ITPR2: variants seen among roughly 807,000 people sequenced by gnomAD.
The protein encoded by ITPR2 is inositol 1,4,5-trisphosphate-gated calcium channel ITPR2.
ITPR2 carries 207 observed loss-of-function variants against 317.1 expected under a neutral mutation model. That is an observed-to-expected ratio of 0.65 (90% CI 0.58 to 0.73). ITPR2 has a LOEUF of 0.73. ITPR2 is among the 30% of genes least tolerant of loss of function. The pLI is 0.00. For missense variants in ITPR2, 2,613 were observed against 3,284.0 expected (o/e 0.80, Z 4.99); for synonymous variants, 1,156 against 1,149.1 (o/e 1.01, Z -0.12).
intron 2 of ITPR2, among the ~76,000 whole-genome samples, chr12:26,761,088 G>A (rs1949623012): frequency 1.3e-5 from 2 of 152,030 alleles, no homozygotes; most frequent in East Asian, 3.9e-4. Flanking sequence ...ATGGTTACAG[G>A]TTTCAAGTCC....
chr12:26,775,959 T>TATATATATATATATATACACACATA (rs1263788006), intron 2 of ITPR2, among the ~76,000 whole-genome samples: 15 of 145,072 alleles, frequency 1.0e-4, no homozygotes, highest in Admixed American at 2.1e-4. Flanking sequence ...TATATGTATA[T>TATATATATATATATATACACACATA]CCTATTAGTT....
intron 2 of ITPR2, among the ~76,000 whole-genome samples, chr12:26,735,497 G>GGGGGAAGGGAGAAGAA (rs1491204240): frequency 4.6e-5 from 7 of 152,072 alleles, no homozygotes; most frequent in Admixed American, 2.0e-4. Flanking sequence ...GAGAGGGAGA[G>GGGGGAAGGGAGAAGAA]GGGGAAGGGA....
At chr12:26,530,741 TGTAGTATATCTACATAG>T (rs1476538345) in intron 37 of ITPR2, among the ~76,000 whole-genome samples, 1 of 152,204 alleles carries the variant, frequency 6.6e-6, no homozygotes, top group Admixed American at 6.5e-5. Context: ...TCTCAAACAC[TGTAGTATATCTACATAG>T]GACTGTACCA....
intron 37 of ITPR2, among the ~76,000 whole-genome samples, chr12:26,517,114 C>A (rs1481186465): frequency 6.6e-6 from 1 of 152,022 alleles, no homozygotes; most frequent in African/African-American, 2.4e-5. Flanking sequence ...ATAAACTCTC[C>A]TTAAACAACT....
intron 32 of ITPR2, among the ~76,000 whole-genome samples, chr12:26,591,541 T>TA (rs1482920310): frequency 6.6e-6 from 1 of 151,924 alleles, no homozygotes; most frequent in African/African-American, 2.4e-5. Flanking sequence ...CTCAAAAAAC[T>TA]AAAAATAGCC....
At chr12:26,411,256 A>T (rs1390527097) in intron 52 of ITPR2, 64 bp downstream of exon 52, 12 of 1,040,432 alleles carry the variant, frequency 1.2e-5, no homozygotes, top group Non-Finnish European at 1.8e-5. Flanking sequence ...AGAGGTAATA[A>T]TATTTACTAA....
intron 21 of ITPR2, among the ~76,000 whole-genome samples, chr12:26,639,032 G>A (rs1396071894): frequency 3.3e-5 from 5 of 152,160 alleles, no homozygotes; most frequent in East Asian, 1.9e-4. Flanking sequence ...AGAATGAGGC[G>A]AATGTAGCCA....
chr12:26,546,114 T>C (rs1425483508), intron 37 of ITPR2, among the ~76,000 whole-genome samples: 2 of 152,254 alleles, frequency 1.3e-5, no homozygotes, highest in African/African-American at 2.4e-5. Context: ...ATGCTTTTTA[T>C]AAGGCTTTTC....
At chr12:26,447,269 A>T (rs1941630081) in intron 45 of ITPR2, among the ~76,000 whole-genome samples, 2 of 152,108 alleles carry the variant, frequency 1.3e-5, no homozygotes, top group Non-Finnish European at 2.9e-5. Flanking sequence ...CTCTGTAAAG[A>T]AGAAGGGCAA....
At chr12:26,577,735 A>G (rs1945310149) in intron 34 of ITPR2, among the ~76,000 whole-genome samples, 1 of 152,344 alleles carries the variant, frequency 6.6e-6, no homozygotes, top group South Asian at 2.1e-4. Context: ...TTTTGTTAAT[A>G]TAAAATAACC....
intron 2 of ITPR2, among the ~76,000 whole-genome samples, chr12:26,787,482 G>A (rs1565766575): frequency 6.6e-6 from 1 of 152,192 alleles, no homozygotes; most frequent in East Asian, 1.9e-4. Context: ...TAATTACCTA[G>A]TGGGTACAGA....
intron 35 of ITPR2, among the ~76,000 whole-genome samples, chr12:26,561,079 G>A (rs953263509): frequency 6.6e-6 from 1 of 152,090 alleles, no homozygotes; most frequent in African/African-American, 2.4e-5. Context: ...TCATATGAGC[G>A]GGCCCTAATC....
intron 37 of ITPR2, among the ~76,000 whole-genome samples, chr12:26,519,395 T>C (rs561829840): frequency 1.1e-4 from 17 of 152,312 alleles, no homozygotes; most frequent in African/African-American, 3.1e-4. Flanking sequence ...TATAGAAATA[T>C]AGTACTTACA....
At chr12:26,617,495 A>C (rs1475083757) in intron 26 of ITPR2, among the ~76,000 whole-genome samples, 1 of 152,080 alleles carries the variant, frequency 6.6e-6, no homozygotes, top group Non-Finnish European at 1.5e-5. Flanking sequence ...TTATGAACAG[A>C]TCCTTCTAAT....
chr12:26,460,990 G>A (rs940913988), intron 45 of ITPR2, among the ~76,000 whole-genome samples: 1 of 152,102 alleles, frequency 6.6e-6, no homozygotes, highest in Non-Finnish European at 1.5e-5. Flanking sequence ...TTCCTATCCT[G>A]AATCCACTGA....
intron 18 of ITPR2, among the ~76,000 whole-genome samples, 189 bp from the exon 19 acceptor site, chr12:26,656,737 T>A (rs1195251975): frequency 6.6e-6 from 1 of 152,228 alleles, no homozygotes; most frequent in Admixed American, 6.5e-5. Flanking sequence ...ACTGTCTCTA[T>A]GTCCCTTCAG....
intron 15 of ITPR2, among the ~76,000 whole-genome samples, chr12:26,660,918 A>G (rs1256980720): frequency 6.6e-6 from 1 of 151,800 alleles, no homozygotes; most frequent in African/African-American, 2.4e-5. Context: ...GTGAAGATAA[A>G]GAAAAACAAA....
At position 26,600,101 on chromosome 12, in the gene ITPR2, T is replaced by C. The variant is rs766124943; in HGVS notation, c.3687A>G (p.Glu1229=). 3 of 1,608,106 alleles carry C rather than the reference T, an allele frequency of 1.9e-6. No homozygotes were observed. Among genetic ancestry groups the C allele is most frequent in the Non-Finnish European group, 2.6e-6 (3 of 1,175,834 alleles). ...CTAGATTCATTACTTCATTCATCTT[T>C]TCATCATTCTGTAAGTTAAAGAATA... The part of the protein sequence containing the change: ...LLQIPYEKND[E]KMNEVMNLAH... The change falls in exon 29 of 57, where the codon GAA becomes GAG. Residue 1229 remains glutamate (E), a synonymous_variant. Coordinates refer to ENST00000381340, the MANE Select transcript of ITPR2 (RefSeq NM_002223.4).
chr12:26,357,786 C>T (rs1405330355), intron 55 of ITPR2, among the ~76,000 whole-genome samples: 1 of 152,216 alleles, frequency 6.6e-6, no homozygotes, highest in Non-Finnish European at 1.5e-5. Context: ...GGTGTCAGAC[C>T]AGGCACCCAC....
Sources: gnomAD v4.1 joint callset for allele counts (sites outside exome capture counted in the v4.1 genomes callset) on GRCh38, gnomAD v4.1.1 for gene constraint, MANE v1.5 for transcripts, NCBI Gene and HGNC (gene_info 2026-07-23, HGNC 2026-07-21) for gene names.